C1QTNF7: variants seen among roughly 807,000 people sequenced by gnomAD.
C1QTNF7 encodes complement C1q tumor necrosis factor-related protein 7.
A neutral mutation model predicts 19.6 loss-of-function variants in C1QTNF7; 15 were observed. That is an observed-to-expected ratio of 0.76 (90% CI 0.51 to 1.18). C1QTNF7 has a LOEUF of 1.18. C1QTNF7 is among the 50% of genes most tolerant of loss of function. The pLI, the probability that C1QTNF7 is intolerant of heterozygous loss-of-function variation, is 0.00. For synonymous variants in C1QTNF7, 142 were observed against 137.5 expected (o/e 1.03, Z -0.23); for missense variants, 324 against 359.7 (o/e 0.90, Z 0.80).
intron 1 of C1QTNF7, among the ~76,000 whole-genome samples, chr4:15,387,590 A>T (rs1718386973): frequency 1.3e-5 from 2 of 152,216 alleles, no homozygotes; most frequent in Admixed American, 1.3e-4. Flanking sequence ...GGGGGATTCC[A>T]GTGACTAGTG....
rs1386737676 is a variant in C1QTNF7, at chr4:15,435,982, G to A, written c.238+1G>A. Reference sequence around the variant, plus strand: ...GAGAAAGGTGAAAAGGGAACTGCAGGTAATGAATGAGAAGTTGCATAAAAC... The same window carrying A: ...GAGAAAGGTGAAAAGGGAACTGCAGATAATGAATGAGAAGTTGCATAAAAC... On this transcript the variant is annotated splice_donor_variant, in intron 2 of 2. Coordinates refer to ENST00000444304, the MANE Select transcript of C1QTNF7 (RefSeq NM_031911.5). LOFTEE classifies it high-confidence loss of function. The A allele has an allele frequency of 6.2e-7, 1 of 1,611,130 alleles. No individual in the cohort carries two copies. Among genetic ancestry groups the A allele is most frequent in the Non-Finnish European group, 8.5e-7 (1 of 1,178,702 alleles).
chr4:15,379,458 G>A (rs1476393572), intron 1 of C1QTNF7, among the ~76,000 whole-genome samples: 4 of 152,170 alleles, frequency 2.6e-5, no homozygotes, highest in Non-Finnish European at 5.9e-5. Flanking sequence ...GGATTATAGT[G>A]TAGCTATTAC....
At chr4:15,410,882 G>A (rs1379495766) in intron 1 of C1QTNF7, among the ~76,000 whole-genome samples, 4 of 152,044 alleles carry the variant, frequency 2.6e-5, no homozygotes, top group Non-Finnish European at 4.4e-5. Flanking sequence ...AAGGTCAAAG[G>A]GCACCACTTT....
intron 1 of C1QTNF7, among the ~76,000 whole-genome samples, chr4:15,376,615 G>A (rs1362082937): frequency 1.3e-5 from 2 of 152,216 alleles, no homozygotes; most frequent in Admixed American, 1.3e-4. Context: ...GGCTAGCGAG[G>A]TTTACTTGCC....
At chr4:15,441,528 A>G (rs2108943010) in intron 2 of C1QTNF7, among the ~76,000 whole-genome samples, 1 of 152,332 alleles carries the variant, frequency 6.6e-6, no homozygotes, top group Non-Finnish European at 1.5e-5. Flanking sequence ...AAATAATATC[A>G]TCATGCTCAT....
chr4:15,383,939 T>C (rs1452922501), intron 1 of C1QTNF7, among the ~76,000 whole-genome samples: 1 of 152,118 alleles, frequency 6.6e-6, no homozygotes, highest in African/African-American at 2.4e-5. Flanking sequence ...GTGGTAGAAA[T>C]GGAGGCTATC....
At chr4:15,348,724 A>C (rs757405972) in intron 1 of C1QTNF7, among the ~76,000 whole-genome samples, 8 of 152,242 alleles carry the variant, frequency 5.3e-5, no homozygotes, top group Non-Finnish European at 1.0e-4. Flanking sequence ...TTTTATGTGA[A>C]ATGTTTCTAT....
chr4:15,359,659 A>T (rs1251917760), intron 1 of C1QTNF7, among the ~76,000 whole-genome samples: 1 of 152,158 alleles, frequency 6.6e-6, no homozygotes, highest in Non-Finnish European at 1.5e-5. Flanking sequence ...TAATATAAGA[A>T]ATAGGACTAC....
intron 1 of C1QTNF7, among the ~76,000 whole-genome samples, chr4:15,380,943 G>C (rs978284779): frequency 6.6e-6 from 1 of 151,158 alleles, no homozygotes; most frequent in Admixed American, 6.6e-5. Context: ...TCAAGAAAAA[G>C]AAAGAAAAAG....
rs567210681 is a variant in C1QTNF7 at position 15,432,068 on chromosome 4, T to C, written c.-8-3668T>C. Among the ~76,000 whole-genome samples, 45 of 152,088 alleles carry C rather than the reference T, an allele frequency of 3.0e-4. 1 individual carries two copies. The South Asian group carries it at 8.9e-3, about 30-fold the overall frequency. On this transcript the variant is annotated intron_variant, in intron 1 of 2. Coordinates refer to ENST00000444304, the MANE Select transcript of C1QTNF7 (RefSeq NM_031911.5). The stretch of plus-strand genomic sequence containing the variant: ...TCTTGGTGAAGAGGGATTTAGACAA[T>C]GCGAAGAGACACGTGAGACCCTAAG...
intron 2 of C1QTNF7, among the ~76,000 whole-genome samples, chr4:15,440,858 G>C (rs768294122): frequency 2.0e-5 from 3 of 152,148 alleles, no homozygotes; most frequent in Non-Finnish European, 4.4e-5. Context: ...GCTCCTGCTG[G>C]CCGGGCATGG....
intron 1 of C1QTNF7, among the ~76,000 whole-genome samples, chr4:15,375,344 G>T (rs2108886614): frequency 6.6e-6 from 1 of 152,224 alleles, no homozygotes; most frequent in Middle Eastern, 3.4e-3. Context: ...ATTATTAAAC[G>T]AATGTGCTTA....
At chr4:15,412,638 C>T (rs1366797840) in intron 1 of C1QTNF7, among the ~76,000 whole-genome samples, 3 of 152,152 alleles carry the variant, frequency 2.0e-5, no homozygotes, top group African/African-American at 7.2e-5. Context: ...CTGCAAAGCC[C>T]GTCTCACCAC....
intron 1 of C1QTNF7, among the ~76,000 whole-genome samples, chr4:15,390,207 G>T (rs774046121): frequency 1.3e-5 from 2 of 152,162 alleles, no homozygotes; most frequent in Non-Finnish European, 2.9e-5. Context: ...CTCCAGGAAG[G>T]GTAGGCTGGA....
At chr4:15,340,331 TCAA>T in intron 1 of C1QTNF7, 1 of 1,209,696 alleles carries the variant, frequency 8.3e-7, no homozygotes, top group Non-Finnish European at 1.2e-6. Context: ...TAAAAATATG[TCAA>T]CAAATGATAA....
At chr4:15,356,126 G>A (rs772700404) in intron 1 of C1QTNF7, among the ~76,000 whole-genome samples, 18 of 151,968 alleles carry the variant, frequency 1.2e-4, no homozygotes, top group Non-Finnish European at 2.5e-4. Flanking sequence ...TATATTTTAA[G>A]TTCTAGGATA....
intron 1 of C1QTNF7, among the ~76,000 whole-genome samples, chr4:15,350,912 T>G (rs1047723021): frequency 2.0e-5 from 3 of 152,180 alleles, no homozygotes; most frequent in Non-Finnish European, 4.4e-5. Context: ...TGATGTTAAT[T>G]ACTTAGGATT....
At chr4:15,367,461 A>T (rs1363349949) in intron 1 of C1QTNF7, among the ~76,000 whole-genome samples, 1 of 152,184 alleles carries the variant, frequency 6.6e-6, no homozygotes, top group East Asian at 1.9e-4. Context: ...CCATTTATTT[A>T]TCTGGCGTTT....
At chr4:15,388,257 A>G (rs1246123173) in intron 1 of C1QTNF7, among the ~76,000 whole-genome samples, 2 of 152,224 alleles carry the variant, frequency 1.3e-5, no homozygotes, top group Admixed American at 6.5e-5. Flanking sequence ...ATGAGAATGT[A>G]GTATCATTGA....
Sources: allele counts gnomAD v4.1 joint callset (sites outside exome capture counted in the v4.1 genomes callset), GRCh38; gene constraint gnomAD v4.1.1; transcripts MANE v1.5; gene names NCBI Gene and HGNC (gene_info 2026-07-23, HGNC 2026-07-21).